SEC24D: variants seen among roughly 807,000 people sequenced by gnomAD.
SEC24D encodes SEC24 homolog D, COPII component, also known as protein transport protein Sec24D.
SEC24D carries 69 observed loss-of-function variants against 116.9 expected under a neutral mutation model. The observed-to-expected ratio is 0.59, with a 90% CI of 0.49 to 0.72. The LOEUF is 0.72. SEC24D is among the 30% of genes least tolerant of loss of function. The pLI is 0.00. For missense variants in SEC24D, 1,131 were observed against 1,264.1 expected (o/e 0.89, Z 1.60); for synonymous variants, 405 against 442.8 (o/e 0.91, Z 1.07).
At chr4:118,754,125 T>C (rs2110458764) in intron 11 of SEC24D, 1 of 152,312 alleles carries the variant, frequency 6.6e-6, no homozygotes, top group Middle Eastern at 3.4e-3. Flanking sequence ...ACTGAGGCTA[T>C]TTGTTCTTCA....
At chr4:118,764,765 T>C (rs916529788) in intron 10 of SEC24D, 37 bp downstream of exon 10, 2 of 1,111,998 alleles carry the variant, frequency 1.8e-6, no homozygotes, top group Non-Finnish European at 2.7e-6. Context: ...GAATTTAACA[T>C]CAATGTATAA....
chr4:118,777,029 C>T (rs1182284772), intron 8 of SEC24D, among the ~76,000 whole-genome samples: 1 of 152,056 alleles, frequency 6.6e-6, no homozygotes, highest in Middle Eastern at 3.2e-3. Context: ...AAAGTATTCC[C>T]TGCATTAGTC....
chr4:118,792,005 C>T (rs981347157), intron 8 of SEC24D, among the ~76,000 whole-genome samples: 1 of 150,968 alleles, frequency 6.6e-6, no homozygotes, highest in African/African-American at 2.4e-5. Context: ...AAGTGAGAAG[C>T]GCCTCTTCCC....
At chr4:118,811,108 T>C (rs1295364139) in intron 6 of SEC24D, among the ~76,000 whole-genome samples, 1 of 152,134 alleles carries the variant, frequency 6.6e-6, no homozygotes, top group Admixed American at 6.5e-5. Flanking sequence ...GGTGATGAAA[T>C]CTAAACTGGA....
chr4:118,815,687 G>A lies in SEC24D; in HGVS notation c.437C>T (p.Pro146Leu), dbSNP rs764180632. ...MAPPSQGPPG[P>L]LSATSLQTPP... ...AGTCTGCAATGATGTGGCTGACAGAGGGCCAGGGGGTCCCTGGCTTGGAGG... is the reference window on the plus strand; with the variant it reads ...AGTCTGCAATGATGTGGCTGACAGAAGGCCAGGGGGTCCCTGGCTTGGAGG... The change falls in exon 5 of 23, where the codon CCT becomes CTT. Residue 146 changes from proline to leucine, a missense_variant. Coordinates refer to ENST00000280551, the MANE Select transcript of SEC24D (RefSeq NM_014822.4). 6.2e-7 allele frequency: 1 copy of A among 1,614,124 alleles called. No individual in the cohort carries two copies. Among genetic ancestry groups the A allele is most frequent in the South Asian group, 1.1e-5 (1 of 91,082 alleles).
intron 8 of SEC24D, among the ~76,000 whole-genome samples, chr4:118,790,313 A>C (rs1000635059): frequency 2.0e-5 from 3 of 152,244 alleles, no homozygotes; most frequent in Non-Finnish European, 4.4e-5. Flanking sequence ...AGGTGAAATT[A>C]CTTAATTGCA....
intron 12 of SEC24D, among the ~76,000 whole-genome samples, chr4:118,752,427 T>C (rs1332615658): frequency 1.3e-5 from 2 of 152,162 alleles, no homozygotes; most frequent in African/African-American, 4.8e-5. Context: ...ATAGCTCCCT[T>C]GCGATACCTT....
chr4:118,786,220 T>C (rs1728660009), intron 8 of SEC24D, among the ~76,000 whole-genome samples: 1 of 152,228 alleles, frequency 6.6e-6, no homozygotes, highest in African/African-American at 2.4e-5. Context: ...AAATAATCTG[T>C]GCTTCAAACT....
intron 3 of SEC24D, among the ~76,000 whole-genome samples, chr4:118,823,248 G>A (rs1730469562): frequency 6.6e-6 from 1 of 152,078 alleles, no homozygotes; most frequent in Admixed American, 6.6e-5. Context: ...CACGCTTAAT[G>A]ACCTACCCTC....
At chr4:118,742,951 T>C (rs1027155039) in intron 15 of SEC24D, among the ~76,000 whole-genome samples, 8 of 152,114 alleles carry the variant, frequency 5.3e-5, no homozygotes, top group African/African-American at 1.9e-4. Context: ...CAGTGTTTTT[T>C]TCAAGGCACA....
intron 22 of SEC24D, among the ~76,000 whole-genome samples, chr4:118,728,053 A>G (rs531010598): frequency 6.6e-6 from 1 of 152,284 alleles, no homozygotes; most frequent in East Asian, 1.9e-4. Flanking sequence ...AAGGAAAACA[A>G]GTAAGTATCT....
At chr4:118,773,788 TTA>T (rs1728015421) in intron 8 of SEC24D, among the ~76,000 whole-genome samples, 1 of 152,242 alleles carries the variant, frequency 6.6e-6, no homozygotes, top group Non-Finnish European at 1.5e-5. Context: ...GAGAAGCAGC[TTA>T]TATGTGCTTT....
At position 118,767,720 on chromosome 4, in the gene SEC24D, GA is replaced by G. The variant is rs1001167524; in HGVS notation, c.1180+452del. ...AACAATCCAACATTTACATCGGAGTGAAAAAAAAAATCTATATAAGTGTTAA... is the reference window on the plus strand; with the variant it reads ...AACAATCCAACATTTACATCGGAGTGAAAAAAAAATCTATATAAGTGTTAA... On this transcript the variant is annotated intron_variant, in intron 9 of 22. Transcript: ENST00000280551. Among the ~76,000 whole-genome samples, 545 of 149,292 alleles carry G rather than the reference GA, an allele frequency of 3.7e-3. 2 individuals are homozygous for G. Among genetic ancestry groups the G allele is most frequent in the African/African-American group, 0.012 (507 of 40,858 alleles).
rs374370954 is a variant in SEC24D, at chr4:118,752,843, T to A, written c.1467A>T (p.Thr489=). The A allele has an allele frequency of 1.9e-6, 3 of 1,607,396 alleles. No individual in the cohort carries two copies. The highest frequency in any genetic ancestry group is 2.5e-6 in the Non-Finnish European group (3 of 1,177,888). Residue 489 remains threonine, a synonymous_variant, in exon 12 of 23, where the codon ACA becomes ACT. Coordinates refer to ENST00000280551, the MANE Select transcript of SEC24D (RefSeq NM_014822.4). ...TAAAGAAATGGAGAACTTTGTTATA[T>A]GTGATAAAACCCACTCGAATTGCAG... The part of the protein sequence containing the change: ...ETSAIRVGFI[T]YNKVLHFFNV...
chr4:118,751,619 T>C (rs1385694204), intron 13 of SEC24D, among the ~76,000 whole-genome samples: 1 of 152,224 alleles, frequency 6.6e-6, no homozygotes, highest in African/African-American at 2.4e-5. Context: ...TCACTGACTG[T>C]GACAAGGCCT....
intron 2 of SEC24D, chr4:118,833,331 C>T: frequency 2.9e-6 from 1 of 339,278 alleles, no homozygotes; most frequent in South Asian, 7.9e-5. Flanking sequence ...ACAAGACTCA[C>T]AGTAAAAATA....
intron 8 of SEC24D, among the ~76,000 whole-genome samples, chr4:118,797,402 A>G (rs1261068881): frequency 2.0e-5 from 3 of 152,210 alleles, no homozygotes; most frequent in South Asian, 2.1e-4. Flanking sequence ...ACAAGTCACA[A>G]TACTTTTACT....
chr4:118,741,856 A>C (rs116427554), intron 15 of SEC24D, among the ~76,000 whole-genome samples: 107 of 152,284 alleles, frequency 7.0e-4, no homozygotes, highest in Non-Finnish European at 1.4e-3. Context: ...TTTATCTTAC[A>C]ATGTTATTGA....
intron 19 of SEC24D, among the ~76,000 whole-genome samples, chr4:118,734,338 G>C (rs1434339958): frequency 2.0e-5 from 3 of 151,798 alleles, no homozygotes; most frequent in African/African-American, 7.3e-5. Context: ...TCAGCCTCCT[G>C]AGTACCTGGG....
Sources: gnomAD v4.1 joint callset for allele counts (sites outside exome capture counted in the v4.1 genomes callset) on GRCh38, gnomAD v4.1.1 for gene constraint, MANE v1.5 for transcripts, NCBI Gene and HGNC (gene_info 2026-07-23, HGNC 2026-07-21) for gene names.